The following SPTB variants were observed in gnomAD, a reference collection of about 807,000 sequenced individuals.
The protein encoded by SPTB is spectrin beta, erythrocytic, also known as spectrin beta chain, erythrocytic.
Under a neutral mutation model 256.2 loss-of-function variants are expected in SPTB, and 45 were observed. That is an observed-to-expected ratio of 0.18 (90% CI 0.14 to 0.23). The LOEUF is 0.23. Among genes scored for constraint, SPTB ranks in the 10% least tolerant of loss-of-function variants. SPTB has a pLI of 1.00. For missense variants in SPTB, 2,715 were observed against 3,040.4 expected, an observed-to-expected ratio of 0.89 and a Z score of 2.52; for synonymous variants, 1,231 against 1,243.1, an observed-to-expected ratio of 0.99 and a Z score of 0.21.
At chr14:64,801,644 A>G (rs2082888466) in intron 6 of SPTB, 110 bp downstream of exon 6, 2 of 1,169,676 alleles carry the variant, frequency 1.7e-6, no homozygotes, top group African/African-American at 3.0e-5. Context: ...GGGAGAGGAG[A>G]AGGAACAGCA....
rs201073358 is a variant in SPTB, at chr14:64,878,397, G to GA, written c.-52+1394dup. Among the ~76,000 whole-genome samples the GA allele has an allele frequency of 1.8e-4, 27 of 150,006 alleles. No homozygotes were observed. The South Asian group carries it at 2.3e-3, about 13-fold the overall frequency. ...TACATTAACAATCATTTTGCACTTA[G>GA]AAAAAAAAAGGTGTTTTCAATTGCA... On this transcript the variant is annotated intron_variant, in intron 1 of 35. Coordinates refer to ENST00000644917, the MANE Select transcript of SPTB (RefSeq NM_001355436.2).
At chr14:64,768,657 ACCC>A (rs897538306) in intron 29 of SPTB, among the ~76,000 whole-genome samples, 3 of 145,820 alleles carry the variant, frequency 2.1e-5, no homozygotes, top group Non-Finnish European at 4.5e-5. Context: ...CCTCTCCCAG[ACCC>A]CCAACTCCTC....
chr14:64,748,619 A>C lies in SPTB; in HGVS notation c.*687T>G, dbSNP rs1170818725. ...GGGTACCCTTTGATCTGGGGGGAGA[A>C]GCAGAGAGGAGGGATGTGGTGGCCC... On this transcript the variant is annotated 3_prime_UTR_variant, in exon 36 of 36. Coordinates refer to ENST00000644917, the MANE Select transcript of SPTB (RefSeq NM_001355436.2). 1 of 152,682 alleles carries C rather than the reference A, an allele frequency of 6.5e-6. No individual in the cohort carries two copies. Among genetic ancestry groups the C allele is most frequent in the African/African-American group, 2.4e-5 (1 of 41,466 alleles). The allele number at this position is 152,682 out of a possible 1,614,324, so 9.5% of individuals were successfully genotyped here.
chr14:64,767,934 G>T, intron 29 of SPTB, 75 bp from the exon 30 acceptor site: 2 of 1,546,890 alleles, frequency 1.3e-6, no homozygotes, highest in South Asian at 1.1e-5. Context: ...ACTCCTGATT[G>T]GGGCCAGTGG....
In SPTB at chr14:64,749,642, G is replaced by C. The variant is rs1304809231; in HGVS notation, c.6819+12C>G. The C allele has an allele frequency of 3.7e-6, 6 of 1,613,558 alleles. 1 individual carries two copies. In the South Asian group the frequency reaches 6.6e-5, roughly 18 times the overall value. On this transcript the variant is annotated intron_variant, in intron 35 of 35. Coordinates refer to ENST00000644917, the MANE Select transcript of SPTB (RefSeq NM_001355436.2). The surrounding 1 kb of genome is among the most constrained non-coding windows in gnomAD (Gnocchi z 4.7). ...TTCTTAGCCAGGTCTGGGCTAGGCTGCCCGCGCTTACCTCATCCTTGCCAT... is the reference window on the plus strand; with the variant it reads ...TTCTTAGCCAGGTCTGGGCTAGGCTCCCCGCGCTTACCTCATCCTTGCCAT...
chr14:64,830,112 A>G (rs1594822324), intron 1 of SPTB, among the ~76,000 whole-genome samples: 1 of 150,184 alleles, frequency 6.7e-6, no homozygotes, highest in South Asian at 2.1e-4. Context: ...ACTCTGCTTA[A>G]CTCTATAGAA....
In SPTB at chr14:64,775,045, C is replaced by T; in HGVS notation, c.4842+80G>A. 6.2e-7 allele frequency: 1 copy of T among 1,600,028 alleles called. No homozygotes were observed. Among genetic ancestry groups the T allele is most frequent in the Non-Finnish European group, 8.5e-7 (1 of 1,169,830 alleles). On this transcript the variant is annotated intron_variant, in intron 23 of 35. Coordinates refer to ENST00000644917, the MANE Select transcript of SPTB (RefSeq NM_001355436.2). This position sits in a 1 kb window ranked among gnomAD's most constrained non-coding sequence, Gnocchi z 5.0. ...CTCACTCCTCACACAGTTGGACTCA[C>T]AAGGCTCCCTACCGACAGCCAACCT...
chr14:64,793,903 G>C lies in SPTB; in HGVS notation c.1796-36C>G. ...TAGGGGGAAGGAGGACAAAGTGGGGGATGGGCTTCATTTATGGGCACGCTT... is the reference window on the plus strand; with the variant it reads ...TAGGGGGAAGGAGGACAAAGTGGGGCATGGGCTTCATTTATGGGCACGCTT... On this transcript the variant is annotated intron_variant, in intron 13 of 35. Transcript: ENST00000644917. This position sits in a 1 kb window ranked among gnomAD's most constrained non-coding sequence, Gnocchi z 7.0. 1 of 1,575,760 alleles carries C rather than the reference G, an allele frequency of 6.3e-7. No individual in the cohort carries two copies. Among genetic ancestry groups the C allele is most frequent in the Non-Finnish European group, 8.6e-7 (1 of 1,166,614 alleles).
intron 1 of SPTB, among the ~76,000 whole-genome samples, chr14:64,837,143 A>C (rs2083536206): frequency 6.6e-6 from 1 of 152,226 alleles, no homozygotes; most frequent in South Asian, 2.1e-4. Flanking sequence ...AGGTTAAAGA[A>C]AGTGGTGGGG....
At position 64,779,775 on chromosome 14, in the gene SPTB, C is replaced by G; in HGVS notation, c.4423G>C (p.Glu1475Gln). 6.2e-7 allele frequency: 1 copy of G among 1,614,162 alleles called. No individual in the cohort carries two copies. The highest frequency in any genetic ancestry group is 8.5e-7 in the Non-Finnish European group (1 of 1,180,026). The change falls in exon 21 of 36, where the codon GAA becomes CAA. Residue 1475 changes from glutamate to glutamine, a missense_variant. Around this residue, in one of 4 missense-constraint regions of SPTB, gnomAD observed 2,239 missense variants for 2,384.4 expected, o/e 0.94. Transcript: ENST00000644917. This position sits in a 1 kb window ranked among gnomAD's most constrained non-coding sequence, Gnocchi z 4.2. ...ATCTGCAGCTTGGCTCTGGATGATT[C>G]CAGCTGCTTCTTCCTCCTTCCTAGG... ...EPLGRRKKQL[E>Q]SSRAKLQISR... is the part of the protein sequence containing the mutation.
At chr14:64,762,923 C>T (rs1367581697) in intron 32 of SPTB, among the ~76,000 whole-genome samples, 1 of 152,224 alleles carries the variant, frequency 6.6e-6, no homozygotes, top group Non-Finnish European at 1.5e-5. Flanking sequence ...TTAGGAGCAC[C>T]AATCCCTTTC....
chr14:64,844,314 C>T lies in SPTB; in HGVS notation c.-51-21169G>A, dbSNP rs1315930850. 6.6e-6 allele frequency among the ~76,000 whole-genome samples: 1 copy of T among 152,192 alleles called. No individual in the cohort carries two copies. The highest frequency in any genetic ancestry group is 6.5e-5 in the Admixed American group (1 of 15,280). Reference sequence around the variant, plus strand: ...ACCTATGTGTGAAGGGACCAGGTCCCAACACACAATAGGAATTTATATCCC... The same window carrying T: ...ACCTATGTGTGAAGGGACCAGGTCCTAACACACAATAGGAATTTATATCCC... On this transcript the variant is annotated intron_variant, in intron 1 of 35. Transcript: ENST00000644917. This position sits in a 1 kb window ranked among gnomAD's most constrained non-coding sequence, Gnocchi z 4.1.
chr14:64,786,059 G>A lies in SPTB; in HGVS notation c.3562-108C>T. The stretch of plus-strand genomic sequence containing the variant: ...CAGCCACACAGGCCACGGTATGAAT[G>A]AGCCCCCTAGAGTAGTACAGGGAGG... On this transcript the variant is annotated intron_variant, in intron 16 of 35. Transcript: ENST00000644917. The surrounding 1 kb of genome is among the most constrained non-coding windows in gnomAD (Gnocchi z 5.6). 8.9e-7 allele frequency: 1 copy of A among 1,118,188 alleles called. No individual in the cohort carries two copies. The highest frequency in any genetic ancestry group is 1.3e-5 in the South Asian group (1 of 79,570). 69.3% of individuals were successfully genotyped at this position (1,118,188 alleles called of 1,614,324 possible).
chr14:64,797,503 G>A (rs74056015), intron 10 of SPTB, among the ~76,000 whole-genome samples: 1,609 of 51,856 alleles, frequency 0.031, 49 homozygotes, highest in East Asian at 0.18. Flanking sequence ...AAAAAAAAAA[G>A]GACTCAGGGA....
intron 1 of SPTB, among the ~76,000 whole-genome samples, chr14:64,878,284 A>G (rs913657781): frequency 2.0e-5 from 3 of 152,194 alleles, no homozygotes; most frequent in Non-Finnish European, 2.9e-5. Flanking sequence ...CTCTTCTTCA[A>G]TGTAAGTTTA....
intron 1 of SPTB, among the ~76,000 whole-genome samples, chr14:64,869,784 T>G (rs948299538): frequency 5.0e-5 from 4 of 79,626 alleles, no homozygotes; most frequent in African/African-American, 7.6e-5. Context: ...CACGATGCCC[T>G]GCTTTTTTTT....
chr14:64,800,716 C>T (rs1402219698), intron 8 of SPTB, 40 bp downstream of exon 8: 2 of 1,563,748 alleles, frequency 1.3e-6, no homozygotes, highest in South Asian at 1.1e-5. Context: ...ACCTGACAAA[C>T]AGGGGAAGAG....
chr14:64,868,326 A>G (rs1005994209), intron 1 of SPTB, among the ~76,000 whole-genome samples: 9 of 152,180 alleles, frequency 5.9e-5, no homozygotes, highest in African/African-American at 2.2e-4. Flanking sequence ...TGGGGGGGAA[A>G]AGAAAGACCA....
chr14:64,875,890 C>T (rs1375624750), intron 1 of SPTB, among the ~76,000 whole-genome samples: 2 of 152,168 alleles, frequency 1.3e-5, no homozygotes, highest in Non-Finnish European at 2.9e-5. Context: ...AAATGTTAAT[C>T]TGTAGGTCTC....
Sources: gnomAD v4.1 joint callset for allele counts (sites outside exome capture counted in the v4.1 genomes callset) on GRCh38, gnomAD v4.1.1 for gene constraint, gnomAD v4.1.1 regional missense constraint, Gnocchi (gnomAD v3.1) non-coding constraint, MANE v1.5 for transcripts, NCBI Gene and HGNC (gene_info 2026-07-23, HGNC 2026-07-21) for gene names.